The following CCDC90B variants were observed in gnomAD, a reference collection of about 807,000 sequenced individuals.
The protein encoded by CCDC90B is coiled-coil domain-containing protein 90B, mitochondrial.
A neutral mutation model predicts 37.0 loss-of-function variants in CCDC90B; 24 were observed. That is an observed-to-expected ratio of 0.65 (90% CI 0.47 to 0.91). The LOEUF (loss-of-function observed/expected upper bound fraction) is 0.91. CCDC90B is among the 40% of genes least tolerant of loss of function. CCDC90B has a pLI of 0.00. For synonymous variants in CCDC90B, 113 were observed against 101.1 expected (o/e 1.12, Z -0.71); for missense variants, 319 against 299.0 (o/e 1.07, Z -0.49).
At chr11:83,264,796 A>C (rs1864149364) in intron 8 of CCDC90B, among the ~76,000 whole-genome samples, 1 of 152,004 alleles carries the variant, frequency 6.6e-6, no homozygotes, top group Non-Finnish European at 1.5e-5. Flanking sequence ...TGATGAGTTC[A>C]TGTCCTTTGT....
chr11:83,276,044 A>G (rs1865007104), intron 3 of CCDC90B, among the ~76,000 whole-genome samples: 1 of 152,304 alleles, frequency 6.6e-6, no homozygotes, highest in African/African-American at 2.4e-5. Flanking sequence ...ACTTCTTATA[A>G]TACATAAAAG....
At position 83,281,083 on chromosome 11, in the gene CCDC90B, T is replaced by TGGGAA. The variant is rs552197112; in HGVS notation, c.101-828_101-824dup. Among the ~76,000 whole-genome samples the TGGGAA allele has an allele frequency of 1.1e-4, 16 of 152,298 alleles. No homozygotes were observed. In the East Asian group the frequency reaches 3.1e-3, roughly 29 times the overall value. On this transcript the variant is annotated intron_variant, in intron 1 of 8. Coordinates refer to ENST00000529689, the MANE Select transcript of CCDC90B (RefSeq NM_021825.5). ...AGGTGCCCTGCCCATAAACAACTTT[T>TGGGAA]GGGAAGGTGAAGGAGTTACCTTTAC...
In CCDC90B at chr11:83,279,259, C is replaced by A. The variant is rs960671914; in HGVS notation, c.221-430G>T. On this transcript the variant is annotated intron_variant, in intron 2 of 8. Transcript: ENST00000529689. The stretch of plus-strand genomic sequence containing the variant: ...TCGCGCCACTTTACTCCAGCCTGGG[C>A]AACAGAGCGAGACTCTGTCTCAAAA... Among the ~76,000 whole-genome samples, 6 of 150,020 alleles carry A rather than the reference C, an allele frequency of 4.0e-5. No homozygotes were observed. The South Asian group carries it at 1.3e-3, about 32-fold the overall frequency.
At chr11:83,264,585 C>T (rs548536468) in intron 8 of CCDC90B, among the ~76,000 whole-genome samples, 1 of 152,252 alleles carries the variant, frequency 6.6e-6, no homozygotes, top group Admixed American at 6.5e-5. Context: ...ACGGGCTTCC[C>T]TTTGAGGGTA....
intron 1 of CCDC90B, chr11:83,284,991 G>A: frequency 2.5e-6 from 1 of 402,122 alleles, no homozygotes; most frequent in Non-Finnish European, 3.8e-6. Flanking sequence ...ACAGATGGAG[G>A]ATCAACAACT....
rs149142108 is a variant in CCDC90B at position 83,272,214 on chromosome 11, C to T, written c.594+1433G>A. Among the ~76,000 whole-genome samples the T allele has an allele frequency of 1.6e-4, 24 of 152,110 alleles. No homozygotes were observed. The East Asian group carries it at 3.1e-3, about 20-fold the overall frequency. On this transcript the variant is annotated intron_variant, in intron 7 of 8. Transcript: ENST00000529689. ...TGTATACCTATGTATCAAACTTGCA[C>T]GTTGTGCACATGTACCCTAGAACTT...
rs991621385 is a variant in CCDC90B, at chr11:83,270,217, T to C, written c.594+3430A>G. ...AATATCATACTGAATGGGCAAAAAC[T>C]GGAAGCATTCCCTTTGAAAACCGGC... is the stretch of plus-strand genomic sequence containing the variant. On this transcript the variant is annotated intron_variant, in intron 7 of 8. Coordinates refer to ENST00000529689, the MANE Select transcript of CCDC90B (RefSeq NM_021825.5). Among the ~76,000 whole-genome samples the C allele has an allele frequency of 2.6e-5, 4 of 152,146 alleles. 1 individual carries two copies. The highest frequency in any genetic ancestry group is 9.7e-5 in the African/African-American group (4 of 41,422).
At chr11:83,272,768 T>A (rs1372249925) in intron 7 of CCDC90B, among the ~76,000 whole-genome samples, 1 of 152,246 alleles carries the variant, frequency 6.6e-6, no homozygotes, top group Non-Finnish European at 1.5e-5. Context: ...AGTGACATAT[T>A]TTCTGTTAGA....
intron 8 of CCDC90B, among the ~76,000 whole-genome samples, chr11:83,265,568 A>G (rs1864207250): frequency 6.6e-6 from 1 of 152,200 alleles, no homozygotes; most frequent in Non-Finnish European, 1.5e-5. Flanking sequence ...ATCTGTGAGG[A>G]TGACAGAAGC....
chr11:83,285,386 A>G, intron 1 of CCDC90B: 1 of 1,168,078 alleles, frequency 8.6e-7, no homozygotes, highest in African/African-American at 1.6e-5. Context: ...AAAGTCTACA[A>G]TGTGACTGAA....
rs375738671 is a variant in CCDC90B at position 83,273,949 on chromosome 11, A to G, written c.468+2T>C. 11 of 1,592,510 alleles carry G rather than the reference A, an allele frequency of 6.9e-6. No homozygotes were observed. In the African/African-American group the frequency reaches 1.5e-4, roughly 22 times the overall value. On this transcript the variant is annotated splice_donor_variant, in intron 5 of 8. Coordinates refer to ENST00000529689, the MANE Select transcript of CCDC90B (RefSeq NM_021825.5). LOFTEE classifies it high-confidence loss of function. ...TAACAGCTAGAAAAAAAATTCACTT[A>G]CCATTAGTTGTTGCTTAACTTGGTC...
rs1262855000 is a variant in CCDC90B at position 83,260,362 on chromosome 11, T to C, written c.*1549A>G. The C allele has an allele frequency of 3.3e-5, 5 of 152,312 alleles. No individual in the cohort carries two copies. The highest frequency in any genetic ancestry group is 1.2e-4 in the African/African-American group (5 of 41,568). The allele number at this position is 152,312 out of a possible 1,614,324, so 9.4% of individuals were successfully genotyped here. On this transcript the variant is annotated 3_prime_UTR_variant, in exon 9 of 9. Coordinates refer to ENST00000529689, the MANE Select transcript of CCDC90B (RefSeq NM_021825.5). ...ACAAATGCAGTATACTTTGTTACAG[T>C]GGACTTTAATATATATGGTAACTTA...
intron 1 of CCDC90B, among the ~76,000 whole-genome samples, 176 bp from the exon 2 acceptor site, chr11:83,280,436 C>T (rs895644487): frequency 9.2e-5 from 14 of 152,164 alleles, no homozygotes; most frequent in African/African-American, 2.7e-4. Flanking sequence ...AAGTCTCTGA[C>T]GTTCTTCTGT....
chr11:83,282,141 C>T (rs566703), intron 1 of CCDC90B, among the ~76,000 whole-genome samples: 108,414 of 152,092 alleles, frequency 0.71, 39,410 homozygotes, highest in African/African-American at 0.84. Context: ...TTTGTAAACA[C>T]GATGGGATGC....
intron 2 of CCDC90B, among the ~76,000 whole-genome samples, chr11:83,279,869 T>C (rs1321691712): frequency 2.0e-5 from 3 of 152,212 alleles, no homozygotes; most frequent in African/African-American, 7.2e-5. Flanking sequence ...GGACTTTAGT[T>C]TAACCTAGAA....
chr11:83,278,010 A>G (rs549939489), intron 3 of CCDC90B, among the ~76,000 whole-genome samples: 1 of 152,350 alleles, frequency 6.6e-6, no homozygotes, highest in East Asian at 1.9e-4. Flanking sequence ...TTCATGACTG[A>G]CAGAAATGAA....
chr11:83,281,634 G>A (rs1251002896), intron 1 of CCDC90B, among the ~76,000 whole-genome samples: 1 of 152,038 alleles, frequency 6.6e-6, no homozygotes, highest in African/African-American at 2.4e-5. Context: ...GCCTTTGTGT[G>A]TAAATATCAG....
intron 2 of CCDC90B, 66 bp downstream of exon 2, chr11:83,280,075 T>C: frequency 1.3e-6 from 2 of 1,492,400 alleles, no homozygotes; most frequent in East Asian, 2.3e-5. Context: ...AATAGTGATA[T>C]TGTCTTAACT....
At chr11:83,262,118 T>C (rs555241952) in intron 8 of CCDC90B, 152 bp from the exon 9 acceptor site, 96 of 540,824 alleles carry the variant, frequency 1.8e-4, no homozygotes, top group African/African-American at 1.7e-3. Flanking sequence ...CAATTAAGTA[T>C]GAAAGACATT....
Sources: gnomAD v4.1 joint callset for allele counts (sites outside exome capture counted in the v4.1 genomes callset) on GRCh38, gnomAD v4.1.1 for gene constraint, MANE v1.5 for transcripts, NCBI Gene and HGNC (gene_info 2026-07-23, HGNC 2026-07-21) for gene names.